EPHA10: variants seen among roughly 807,000 people sequenced by gnomAD.
The protein encoded by EPHA10 is EPH receptor A10.
In EPHA10, 120 loss-of-function variants were observed where a neutral mutation model predicts 109.7. That is an observed-to-expected ratio of 1.09 (90% CI 0.94 to 1.27). The LOEUF is 1.27. Among genes scored for constraint, EPHA10 ranks in the 50% most tolerant of loss-of-function variants. The pLI is 0.00. For missense variants in EPHA10, 1,396 were observed against 1,411.1 expected, an observed-to-expected ratio of 0.99 and a Z score of 0.17; for synonymous variants, 640 against 618.9, an observed-to-expected ratio of 1.03 and a Z score of -0.51.
downstream of EPHA10, among the ~76,000 whole-genome samples, chr1:37,715,494 C>G (rs1043605791): frequency 2.6e-5 from 4 of 152,120 alleles, no homozygotes; most frequent in Non-Finnish European, 4.4e-5. Flanking sequence ...TGGCTTCTAC[C>G]CCCATCTGAA....
chr1:37,723,418 C>A, intron 8 of EPHA10, 46 bp from the exon 9 acceptor site: 1 of 1,605,846 alleles, frequency 6.2e-7, no homozygotes, highest in South Asian at 1.1e-5. Flanking sequence ...CCACCCCGGC[C>A]CTTCCCATTA....
intron 5 of EPHA10, among the ~76,000 whole-genome samples, chr1:37,751,661 T>C (rs1646329198): frequency 6.6e-6 from 1 of 151,226 alleles, no homozygotes; most frequent in Non-Finnish European, 1.5e-5. Context: ...ATCATGAGGT[T>C]GAGAGTTGGA....
intron 3 of EPHA10, among the ~76,000 whole-genome samples, chr1:37,755,718 T>C (rs1016985766): frequency 4.6e-5 from 7 of 152,086 alleles, no homozygotes; most frequent in Admixed American, 4.6e-4. Context: ...CCAACCACAT[T>C]TTCACAATAA....
downstream of EPHA10, among the ~76,000 whole-genome samples, chr1:37,714,352 T>A (rs1047166292): frequency 1.3e-5 from 2 of 152,208 alleles, no homozygotes; most frequent in Non-Finnish European, 2.9e-5. Context: ...CGTGTGTCCA[T>A]GAGTACATAT....
rs745306567 is a variant in EPHA10 at position 37,718,675 on chromosome 1, G to C, written c.2898C>G (p.Ala966=). The change falls in exon 16 of 17, where the codon GCC becomes GCG. Residue 966 remains alanine, a synonymous_variant. Coordinates refer to ENST00000373048, the MANE Select transcript of EPHA10 (RefSeq NM_001099439.2). ...CTTGGACTCACTGGGCAGTCATCTC[G>C]GCCACGGCCTCCAGGCTCCCATAGC... ...AAGYGSLEAV[A]EMTAQDLVSL... is the part of the protein sequence containing the mutation. 15 of 1,613,190 alleles carry C rather than the reference G, an allele frequency of 9.3e-6. No individual in the cohort carries two copies. Among genetic ancestry groups the C allele is most frequent in the Non-Finnish European group, 1.2e-5 (14 of 1,180,040 alleles).
At chr1:37,721,593 C>A in intron 11 of EPHA10, 67 bp downstream of exon 11, 1 of 1,493,576 alleles carries the variant, frequency 6.7e-7, no homozygotes, top group African/African-American at 1.4e-5. Context: ...ACTCCAAACT[C>A]CCACACCATC....
chr1:37,716,223 G>T lies in EPHA10; in HGVS notation c.*2149C>A. On this transcript the variant is annotated 3_prime_UTR_variant, in exon 17 of 17. Coordinates refer to ENST00000373048, the MANE Select transcript of EPHA10 (RefSeq NM_001099439.2). ...GAGGCCTGGGACCCAACAGGATTCTGGGACCTCACTCCTCAGTGGAGGGGA... is the reference window on the plus strand; with the variant it reads ...GAGGCCTGGGACCCAACAGGATTCTTGGACCTCACTCCTCAGTGGAGGGGA... 3.3e-6 allele frequency: 1 copy of T among 299,056 alleles called. No individual in the cohort carries two copies. The highest frequency in any genetic ancestry group is 6.3e-6 in the Non-Finnish European group (1 of 158,456). The allele number at this position is 299,056 out of a possible 1,614,324, so 18.5% of individuals were successfully genotyped here.
At chr1:37,718,892 C>T (rs1645738100) in intron 15 of EPHA10, 76 bp from the exon 16 acceptor site, 19 of 1,506,042 alleles carry the variant, frequency 1.3e-5, no homozygotes, top group Admixed American at 2.2e-5. Flanking sequence ...GGGGAGAGGC[C>T]AGCTGAGGAT....
At chr1:37,739,101 G>A (rs1646114547) in intron 5 of EPHA10, among the ~76,000 whole-genome samples, 1 of 151,894 alleles carries the variant, frequency 6.6e-6, no homozygotes, top group Non-Finnish European at 1.5e-5. Flanking sequence ...GTATACCTAT[G>A]TAACAAACCT....
At chr1:37,724,731 T>C (rs1645858705) in intron 8 of EPHA10, among the ~76,000 whole-genome samples, 1 of 152,314 alleles carries the variant, frequency 6.6e-6, no homozygotes, top group African/African-American at 2.4e-5. Flanking sequence ...GGAGCTAGGC[T>C]GTCACACAGG....
chr1:37,746,002 C>G (rs544987539), intron 5 of EPHA10, among the ~76,000 whole-genome samples: 37 of 152,242 alleles, frequency 2.4e-4, no homozygotes, highest in Admixed American at 5.2e-4. Flanking sequence ...GTTTTCCTGA[C>G]CAGCCACCTT....
intron 5 of EPHA10, among the ~76,000 whole-genome samples, chr1:37,747,777 A>G (rs1258855922): frequency 6.6e-6 from 1 of 151,910 alleles, no homozygotes; most frequent in African/African-American, 2.4e-5. Flanking sequence ...CAAAAATAAT[A>G]ATAATAATAA....
In EPHA10 at chr1:37,752,944, C is replaced by G; in HGVS notation, c.1289G>C (p.Gly430Ala). The G allele has an allele frequency of 7.7e-7, 1 of 1,301,494 alleles. No homozygotes were observed. The highest frequency in any genetic ancestry group is 9.7e-7 in the Non-Finnish European group (1 of 1,027,914). 80.6% of individuals were successfully genotyped at this position (1,301,494 alleles called of 1,614,324 possible). A position where few individuals can be genotyped will look rare whatever the true frequency, so the allele number is the denominator to read the frequency against. Reference protein sequence around the residue: ...RYTVRVAALNGVSGPAAAAGT... With the variant: ...RYTVRVAALNAVSGPAAAAGT... Reference sequence around the variant, plus strand: ...CGCGGCGGCCGCCGGGCCCGAGACGCCGTTGAGCGCGGCCACGCGCACGGT... The same window carrying G: ...CGCGGCGGCCGCCGGGCCCGAGACGGCGTTGAGCGCGGCCACGCGCACGGT... The change falls in exon 5 of 17, where the codon GGC becomes GCC. Residue 430 changes from glycine to alanine, a missense_variant. Coordinates refer to ENST00000373048, the MANE Select transcript of EPHA10 (RefSeq NM_001099439.2).
At chr1:37,740,141 C>G (rs189950477) in intron 5 of EPHA10, among the ~76,000 whole-genome samples, 7 of 152,120 alleles carry the variant, frequency 4.6e-5, no homozygotes, top group African/African-American at 1.2e-4. Context: ...ATCTAGTTAA[C>G]ATTACTGTAC....
In EPHA10 at chr1:37,723,169, G is replaced by C. The variant is rs12121777; in HGVS notation, c.1835-3C>G. ...TGTGCGACGTGTTGGGACTTTGACT[G>C]GGAGAGAAAGAGATGAGCCTGAGGA... On this transcript the variant is annotated splice_polypyrimidine_tract_variant and splice_region_variant and intron_variant, in intron 9 of 16. Transcript: ENST00000373048. 6.2e-7 allele frequency: 1 copy of C among 1,612,166 alleles called. No individual in the cohort carries two copies. Among genetic ancestry groups the C allele is most frequent in the Admixed American group, 1.7e-5 (1 of 59,848 alleles).
chr1:37,760,566 T>C, intron 3 of EPHA10: 1 of 500,848 alleles, frequency 2.0e-6, no homozygotes, highest in Non-Finnish European at 2.7e-6. Context: ...AAGTATTTGG[T>C]CCGTGACTGG....
At chr1:37,736,114 C>T (rs1330694719) in intron 5 of EPHA10, among the ~76,000 whole-genome samples, 1 of 152,178 alleles carries the variant, frequency 6.6e-6, no homozygotes, top group Non-Finnish European at 1.5e-5. Flanking sequence ...AGATTCCACA[C>T]ACAAAATTGT....
intron 7 of EPHA10, among the ~76,000 whole-genome samples, chr1:37,727,524 C>T (rs1425980215): frequency 2.0e-5 from 3 of 152,194 alleles, no homozygotes; most frequent in Non-Finnish European, 2.9e-5. Context: ...CTCAAAGTTG[C>T]TCTGCAGGAG....
At chr1:37,752,844 G>A (rs1646348937) in intron 5 of EPHA10, 32 bp downstream of exon 5, 2 of 1,236,650 alleles carry the variant, frequency 1.6e-6, no homozygotes, top group African/African-American at 1.6e-5. Context: ...CAGGCGCGGT[G>A]GCCTCGGGGT....
Sources: allele counts gnomAD v4.1 joint callset (sites outside exome capture counted in the v4.1 genomes callset), GRCh38; gene constraint gnomAD v4.1.1; transcripts MANE v1.5; gene names NCBI Gene and HGNC (gene_info 2026-07-23, HGNC 2026-07-21).